The following CHST8 variants were observed in gnomAD, a reference collection of about 807,000 sequenced individuals.
CHST8 encodes the protein GALNAC-4-ST1.
A neutral mutation model predicts 15.0 loss-of-function variants in CHST8; 10 were observed. The observed-to-expected ratio is 0.67, with a 90% CI of 0.41 to 1.13. The LOEUF is 1.13. CHST8 is among the 50% of genes most tolerant of loss of function. The pLI, the probability that CHST8 is intolerant of heterozygous loss-of-function variation, is 0.00. For missense variants in CHST8, 634 were observed against 608.2 expected (o/e 1.04, Z -0.45); for synonymous variants, 259 against 256.6 (o/e 1.01, Z -0.09).
chr19:33,629,128 TG>T (rs1972092893), intron 1 of CHST8, among the ~76,000 whole-genome samples: 1 of 152,212 alleles, frequency 6.6e-6, no homozygotes, highest in South Asian at 2.1e-4. Flanking sequence ...CCCATGGTCC[TG>T]GCCCAACTTT....
intron 1 of CHST8, among the ~76,000 whole-genome samples, chr19:33,657,162 CACAT>C (rs1286981897): frequency 6.6e-6 from 1 of 151,208 alleles, no homozygotes; most frequent in African/African-American, 2.4e-5. Context: ...CACACAAACA[CACAT>C]ATACTTATAC....
At chr19:33,689,091 C>A in intron 2 of CHST8, 85 bp from the exon 3 acceptor site, 1 of 635,204 alleles carries the variant, frequency 1.6e-6, no homozygotes, top group South Asian at 3.5e-5. Context: ...CCGGGGATTG[C>A]ACTTGGATTG....
chr19:33,648,248 A>G (rs1442515803), intron 1 of CHST8, among the ~76,000 whole-genome samples: 1 of 152,166 alleles, frequency 6.6e-6, no homozygotes, highest in East Asian at 1.9e-4. Context: ...ACATAATCAC[A>G]TACCTCACCA....
At chr19:33,721,818 T>G (rs983998054) in intron 3 of CHST8, among the ~76,000 whole-genome samples, 2 of 149,002 alleles carry the variant, frequency 1.3e-5, no homozygotes, top group Non-Finnish European at 3.0e-5. Context: ...AGATAGGTGA[T>G]GGAGGGATAG....
chr19:33,710,360 G>T (rs1383469547), intron 3 of CHST8, among the ~76,000 whole-genome samples: 1 of 151,850 alleles, frequency 6.6e-6, no homozygotes, highest in Non-Finnish European at 1.5e-5. Flanking sequence ...TTTGCTTCAG[G>T]TTTAGTTTGT....
intron 3 of CHST8, among the ~76,000 whole-genome samples, chr19:33,719,804 T>G (rs1361944685): frequency 6.6e-6 from 1 of 151,536 alleles, no homozygotes; most frequent in Non-Finnish European, 1.5e-5. Flanking sequence ...GAGCCTGGCT[T>G]TACACTTGAG....
chr19:33,679,180 A>G (rs777002323), intron 2 of CHST8, among the ~76,000 whole-genome samples: 2 of 152,204 alleles, frequency 1.3e-5, no homozygotes, highest in Non-Finnish European at 2.9e-5. Context: ...TGTCCATATT[A>G]TACCCCAACT....
chr19:33,624,849 A>G (rs577370736), intron 1 of CHST8, among the ~76,000 whole-genome samples: 1 of 152,224 alleles, frequency 6.6e-6, no homozygotes, highest in Non-Finnish European at 1.5e-5. Context: ...CTGTGCTTGT[A>G]GGGGCTGATG....
intron 3 of CHST8, among the ~76,000 whole-genome samples, chr19:33,737,147 A>G (rs1974103570): frequency 6.6e-6 from 1 of 152,182 alleles, no homozygotes. Flanking sequence ...TTAATAATCT[A>G]CCCGTTATTT....
chr19:33,694,494 G>A (rs1444231201), intron 3 of CHST8, among the ~76,000 whole-genome samples: 1 of 151,774 alleles, frequency 6.6e-6, no homozygotes, highest in Non-Finnish European at 1.5e-5. Flanking sequence ...CCTGTCTTGG[G>A]GCACTCCTGC....
chr19:33,715,961 A>G (rs1014826074), intron 3 of CHST8, among the ~76,000 whole-genome samples: 8 of 152,106 alleles, frequency 5.3e-5, no homozygotes, highest in African/African-American at 1.7e-4. Flanking sequence ...TTAGAAAGAT[A>G]CTCTCAACAC....
At position 33,656,516 on chromosome 19, in the gene CHST8, T is replaced by C. The variant is rs141483482; in HGVS notation, c.-163-11251T>C. Among the ~76,000 whole-genome samples, 288 of 152,302 alleles carry C rather than the reference T, an allele frequency of 1.9e-3. 5 individuals are homozygous for C. The East Asian group carries it at 0.025, about 13-fold the overall frequency. On this transcript the variant is annotated intron_variant, in intron 1 of 4. Coordinates refer to ENST00000650847, the MANE Select transcript of CHST8 (RefSeq NM_001127895.2). ...ACATTGTAACCTGGTATTTGATATG[T>C]GGTCAGCTTCATTTTTTTGGTTTTT...
chr19:33,663,174 A>T (rs892405220), intron 1 of CHST8, among the ~76,000 whole-genome samples: 8 of 152,146 alleles, frequency 5.3e-5, no homozygotes, highest in Non-Finnish European at 8.8e-5. Context: ...TGGACAAAGG[A>T]TCCTTCTTCC....
chr19:33,648,157 T>C (rs1273926235), intron 1 of CHST8, among the ~76,000 whole-genome samples: 1 of 152,094 alleles, frequency 6.6e-6, no homozygotes, highest in Non-Finnish European at 1.5e-5. Context: ...GAACAGTGGA[T>C]GCAAATATGG....
At chr19:33,749,542 G>A (rs540633476) in intron 3 of CHST8, among the ~76,000 whole-genome samples, 26 of 151,394 alleles carry the variant, frequency 1.7e-4, no homozygotes, top group Non-Finnish European at 3.8e-4. Flanking sequence ...GCTGGAATCA[G>A]TGGGTGCTCA....
At chr19:33,715,822 G>A (rs912895338) in intron 3 of CHST8, among the ~76,000 whole-genome samples, 1 of 152,184 alleles carries the variant, frequency 6.6e-6, no homozygotes, top group Non-Finnish European at 1.5e-5. Flanking sequence ...CCTGCTGTGT[G>A]CCTGGCCCCA....
chr19:33,738,568 G>GGA (rs954466086), intron 3 of CHST8, among the ~76,000 whole-genome samples: 4 of 152,066 alleles, frequency 2.6e-5, no homozygotes, highest in Non-Finnish European at 5.9e-5. Flanking sequence ...TTTGACATCT[G>GGA]GAGAGAGAGA....
Position 33,721,117 on chromosome 19 carries a change from G to A in CHST8, c.130+31726G>A, listed in dbSNP as rs182347225. Among the ~76,000 whole-genome samples, 9 of 152,322 alleles carry A rather than the reference G, an allele frequency of 5.9e-5. No homozygotes were observed. The East Asian group carries it at 1.5e-3, about 26-fold the overall frequency. ...ATCACAAGGGAATCGTTCATTGGGAGGCAACTGGACCCAACCAGAAAGCTA... is the reference window on the plus strand; with the variant it reads ...ATCACAAGGGAATCGTTCATTGGGAAGCAACTGGACCCAACCAGAAAGCTA... On this transcript the variant is annotated intron_variant, in intron 3 of 4. Transcript: ENST00000650847.
At position 33,681,296 on chromosome 19, in the gene CHST8, A is replaced by T. The variant is rs568052494; in HGVS notation, c.-86-7880A>T. On this transcript the variant is annotated intron_variant, in intron 2 of 4. Transcript: ENST00000650847. ...GCCTCAGGGGAGCACAGCTTTGCAC[A>T]TCAGAAAGAACCTGAGAACAGTTTT... is the stretch of plus-strand genomic sequence containing the variant. Among the ~76,000 whole-genome samples the T allele has an allele frequency of 4.6e-5, 7 of 152,312 alleles. No individual in the cohort carries two copies. In the East Asian group the frequency reaches 1.4e-3, roughly 29 times the overall value.
Sources: gnomAD v4.1 joint callset for allele counts (sites outside exome capture counted in the v4.1 genomes callset) on GRCh38, gnomAD v4.1.1 for gene constraint, MANE v1.5 for transcripts, NCBI Gene and HGNC (gene_info 2026-07-23, HGNC 2026-07-21) for gene names.